SYNDIG1: variants seen among roughly 807,000 people sequenced by gnomAD.
The protein encoded by SYNDIG1 is synapse differentiation-inducing gene protein 1.
SYNDIG1 carries 9 observed loss-of-function variants against 19.4 expected under a neutral mutation model. The ratio of observed to expected loss-of-function variants is 0.46; its 90% CI spans 0.28 to 0.81. The LOEUF (loss-of-function observed/expected upper bound fraction) is 0.81. SYNDIG1 is among the 30% of genes least tolerant of loss of function. The pLI, the probability that SYNDIG1 is intolerant of heterozygous loss-of-function variation, is 0.12. For missense variants in SYNDIG1, 311 were observed against 343.3 expected (o/e 0.91, Z 0.74); for synonymous variants, 141 against 145.9 (o/e 0.97, Z 0.24).
At chr20:24,523,848 C>T (rs1223115257) in intron 1 of SYNDIG1, among the ~76,000 whole-genome samples, 1 of 152,170 alleles carries the variant, frequency 6.6e-6, no homozygotes, top group African/African-American at 2.4e-5. Context: ...CAAAGATGGT[C>T]TTTGTGAAGC....
At chr20:24,599,466 G>A (rs2058645605) in intron 3 of SYNDIG1, among the ~76,000 whole-genome samples, 1 of 152,106 alleles carries the variant, frequency 6.6e-6, no homozygotes. Context: ...CTTTGACCCA[G>A]CAATCCCACT....
intron 1 of SYNDIG1, among the ~76,000 whole-genome samples, chr20:24,474,799 C>G (rs143039915): frequency 1.0e-3 from 152 of 152,322 alleles, no homozygotes; most frequent in Non-Finnish European, 2.0e-3. Flanking sequence ...TATCACTTGG[C>G]CTCACTGGGC....
chr20:24,480,585 A>G (rs1229866413), intron 1 of SYNDIG1, among the ~76,000 whole-genome samples: 1 of 152,220 alleles, frequency 6.6e-6, no homozygotes, highest in Non-Finnish European at 1.5e-5. Flanking sequence ...GAAACACTAA[A>G]CATAGATTTG....
intron 3 of SYNDIG1, among the ~76,000 whole-genome samples, chr20:24,663,867 G>T (rs367784279): frequency 8.2e-4 from 125 of 152,254 alleles, no homozygotes; most frequent in African/African-American, 3.0e-3. Context: ...TTCAGTTAGC[G>T]CTAAGGAAAG....
At chr20:24,537,124 G>GC (rs1046137028) in intron 1 of SYNDIG1, among the ~76,000 whole-genome samples, 29 of 151,824 alleles carry the variant, frequency 1.9e-4, no homozygotes, top group African/African-American at 7.0e-4. Flanking sequence ...AATGAGACCC[G>GC]CCCCTCCTAA....
In SYNDIG1 at chr20:24,518,661, C is replaced by G. The variant is rs369100968; in HGVS notation, c.-78-24359C>G. On this transcript the variant is annotated intron_variant, in intron 1 of 3. Transcript: ENST00000376862. ...GCTGGGAGCAGCTTCCTGGGTGGCC[C>G]TGCTCGTGTCCCAGCCTCTGGCTTC... 7.2e-5 allele frequency among the ~76,000 whole-genome samples: 11 copies of G among 152,342 alleles called. No homozygotes were observed. The South Asian group carries it at 2.3e-3, about 32-fold the overall frequency.
At chr20:24,618,550 C>T (rs559053217) in intron 3 of SYNDIG1, among the ~76,000 whole-genome samples, 2 of 152,306 alleles carry the variant, frequency 1.3e-5, no homozygotes, top group South Asian at 4.1e-4. Flanking sequence ...GGGGTATTCT[C>T]CTCTATACTC....
intron 1 of SYNDIG1, among the ~76,000 whole-genome samples, chr20:24,477,114 C>T (rs2055650780): frequency 6.6e-6 from 1 of 152,226 alleles, no homozygotes; most frequent in Non-Finnish European, 1.5e-5. Flanking sequence ...CCTCGAGTTT[C>T]TGATTTGCCA....
At chr20:24,662,112 G>T (rs977007698) in intron 3 of SYNDIG1, among the ~76,000 whole-genome samples, 14 of 151,906 alleles carry the variant, frequency 9.2e-5, no homozygotes, top group Non-Finnish European at 1.8e-4. Flanking sequence ...ACCTAAGGAG[G>T]TGTGACCCAG....
At chr20:24,574,122 A>T (rs921752146) in intron 2 of SYNDIG1, among the ~76,000 whole-genome samples, 1 of 152,096 alleles carries the variant, frequency 6.6e-6, no homozygotes, top group African/African-American at 2.4e-5. Context: ...ATCACCTCCC[A>T]AAAAAGCAAT....
At position 24,607,125 on chromosome 20, in the gene SYNDIG1, T is replaced by A. The variant is rs554290604; in HGVS notation, c.618+22132T>A. 1.4e-4 allele frequency among the ~76,000 whole-genome samples: 21 copies of A among 152,226 alleles called. No homozygotes were observed. The South Asian group carries it at 4.4e-3, about 32-fold the overall frequency. On this transcript the variant is annotated intron_variant, in intron 3 of 3. Transcript: ENST00000376862. Reference sequence around the variant, plus strand: ...CTATAATCCCAGCACTTTGGGAGGCTGAGGCAGTTGGATCACCTGAGGTCA... The same window carrying A: ...CTATAATCCCAGCACTTTGGGAGGCAGAGGCAGTTGGATCACCTGAGGTCA...
intron 1 of SYNDIG1, among the ~76,000 whole-genome samples, chr20:24,479,027 G>A (rs887444496): frequency 6.6e-6 from 1 of 152,244 alleles, no homozygotes; most frequent in Non-Finnish European, 1.5e-5. Context: ...GCCCAGAAAT[G>A]CTGATCTTCC....
intron 2 of SYNDIG1, among the ~76,000 whole-genome samples, chr20:24,557,473 A>G (rs2057845372): frequency 1.3e-5 from 2 of 151,988 alleles, no homozygotes; most frequent in Non-Finnish European, 2.9e-5. Flanking sequence ...TGATGTACAG[A>G]TGGGTTTTTG....
chr20:24,635,193 A>G (rs1202957491), intron 3 of SYNDIG1, among the ~76,000 whole-genome samples: 1 of 152,206 alleles, frequency 6.6e-6, no homozygotes, highest in East Asian at 1.9e-4. Context: ...TGCTGGCTTC[A>G]CGGTGGTGAC....
intron 3 of SYNDIG1, among the ~76,000 whole-genome samples, chr20:24,651,562 GT>G (rs1428181645): frequency 2.0e-5 from 3 of 152,216 alleles, no homozygotes; most frequent in African/African-American, 7.2e-5. Context: ...TTACTCAGCT[GT>G]GCAGATTAGA....
At chr20:24,550,531 C>T (rs1378392363) in intron 2 of SYNDIG1, among the ~76,000 whole-genome samples, 9 of 145,932 alleles carry the variant, frequency 6.2e-5, no homozygotes, top group African/African-American at 1.5e-4. Flanking sequence ...TTTTTTGAGA[C>T]GGAGTCTCTC....
intron 1 of SYNDIG1, among the ~76,000 whole-genome samples, chr20:24,533,316 T>G (rs2057298592): frequency 6.6e-6 from 1 of 152,184 alleles, no homozygotes; most frequent in Non-Finnish European, 1.5e-5. Flanking sequence ...TGGTTTCTGC[T>G]TGGACCTGTG....
chr20:24,527,891 C>CATG (rs1290460260), intron 1 of SYNDIG1, among the ~76,000 whole-genome samples: 3 of 152,194 alleles, frequency 2.0e-5, no homozygotes, highest in African/African-American at 7.2e-5. Context: ...GATTCAAATG[C>CATG]ATGCTTAAAT....
intron 2 of SYNDIG1, among the ~76,000 whole-genome samples, chr20:24,557,303 C>T (rs11906564): frequency 6.6e-6 from 1 of 152,196 alleles, no homozygotes; most frequent in Non-Finnish European, 1.5e-5. Context: ...CTTCTCTCGA[C>T]TCGTCAAAGT....
Sources: gnomAD v4.1 joint callset for allele counts (sites outside exome capture counted in the v4.1 genomes callset) on GRCh38, gnomAD v4.1.1 for gene constraint, MANE v1.5 for transcripts, NCBI Gene and HGNC (gene_info 2026-07-23, HGNC 2026-07-21) for gene names.